ERVK3-1: variants seen among roughly 807,000 people sequenced by gnomAD.
The protein encoded by ERVK3-1 is endogenous retrovirus group K3 member 1, also known as HERV-K(HML6-1).
In ERVK3-1 at chr19:58,312,467, G is replaced by T. The variant is rs1434376499; in HGVS notation, c.294+5G>T. On this transcript the variant is annotated splice_donor_5th_base_variant and intron_variant, in intron 3 of 3. Coordinates refer to ENST00000413518, the Ensembl canonical transcript of ERVK3-1. The surrounding 1 kb of genome is among the most constrained non-coding windows in gnomAD (Gnocchi z 4.7). The stretch of plus-strand genomic sequence containing the variant: ...CTAGCTGTAGTGTCCTGTGCGGTAT[G>T]TTTCCCCTGTGTAGAGGCAAAAACA... 7.5e-6 allele frequency: 3 copies of T among 399,928 alleles called. No individual in the cohort carries two copies. The East Asian group carries it at 1.1e-4, about 14-fold the overall frequency. The allele number at this position is 399,928 out of a possible 1,614,324, so 24.8% of individuals were successfully genotyped here. A position where few individuals can be genotyped will look rare whatever the true frequency, so the allele number is the denominator to read the frequency against.
In ERVK3-1 at chr19:58,313,265, T is replaced by G. The variant is rs1225737426; in HGVS notation, c.294+803T>G. ...TTTGTAAAAAATATTACCACTCAATTTACGGTTTGTGGGTTTTTTGTTGTT... is the reference window on the plus strand; with the variant it reads ...TTTGTAAAAAATATTACCACTCAATGTACGGTTTGTGGGTTTTTTGTTGTT... On this transcript the variant is annotated intron_variant, in intron 3 of 3. Coordinates refer to ENST00000413518, the Ensembl canonical transcript of ERVK3-1. This position sits in a 1 kb window ranked among gnomAD's most constrained non-coding sequence, Gnocchi z 4.5. Among the ~76,000 whole-genome samples, 1 of 152,160 alleles carries G rather than the reference T, an allele frequency of 6.6e-6. No individual in the cohort carries two copies. Among genetic ancestry groups the G allele is most frequent in the Non-Finnish European group, 1.5e-5 (1 of 68,016 alleles).
chr19:58,305,774 C>T (rs1645680217), intron 1 of ERVK3-1, among the ~76,000 whole-genome samples: 1 of 152,200 alleles, frequency 6.6e-6, no homozygotes, highest in Non-Finnish European at 1.5e-5. Context: ...TGTTGGTAAA[C>T]TGACAAACTG....
intron 2 of ERVK3-1, chr19:58,311,841 C>T (rs113106728): frequency 0.013 from 2,421 of 184,950 alleles, 26 homozygotes; most frequent in Non-Finnish European, 0.018. Context: ...GGCAATCAAT[C>T]ATAAAACAGG....
chr19:58,305,878 A>G (rs1488625513), intron 1 of ERVK3-1, among the ~76,000 whole-genome samples: 3 of 152,194 alleles, frequency 2.0e-5, no homozygotes, highest in Non-Finnish European at 2.9e-5. Context: ...CTGCTGAACA[A>G]AGAAAGCAGT....
chr19:58,310,809 T>C lies in ERVK3-1; in HGVS notation c.-3-1357T>C. 2 of 345,008 alleles carry C rather than the reference T, an allele frequency of 5.8e-6. No individual in the cohort carries two copies. Among genetic ancestry groups the C allele is most frequent in the Non-Finnish European group, 6.0e-6 (1 of 167,996 alleles). 21.4% of individuals were successfully genotyped at this position (345,008 alleles called of 1,614,324 possible). A position where few individuals can be genotyped will look rare whatever the true frequency, so the allele number is the denominator to read the frequency against. On this transcript the variant is annotated intron_variant, in intron 2 of 3. Coordinates refer to ENST00000413518, the Ensembl canonical transcript of ERVK3-1. This position sits in a 1 kb window ranked among gnomAD's most constrained non-coding sequence, Gnocchi z 4.7. ...TGGAGGAGCAGAGTCTTCTCTAACC[T>C]CCCCCAGGGAAAGGGAGACCGCCCC...
In ERVK3-1 at chr19:58,312,579, G is replaced by C; in HGVS notation, c.294+117G>C. On this transcript the variant is annotated intron_variant, in intron 3 of 3. Coordinates refer to ENST00000413518, the Ensembl canonical transcript of ERVK3-1. The surrounding 1 kb of genome is among the most constrained non-coding windows in gnomAD (Gnocchi z 4.7). ...CTGAGATATATTATGATCAGGGAGC[G>C]TGGGCACCAGGACCCCTAACTCCGT... 1 of 398,458 alleles carries C rather than the reference G, an allele frequency of 2.5e-6. No individual in the cohort carries two copies. Among genetic ancestry groups the C allele is most frequent in the Non-Finnish European group, 4.4e-6 (1 of 225,864 alleles). The allele number at this position is 398,458 out of a possible 1,614,324, so 24.7% of individuals were successfully genotyped here.
Position 58,312,224 on chromosome 19 carries a change from G to A in ERVK3-1, c.56G>A (p.Arg19Gln), listed in dbSNP as rs899537103. Residue 19 changes from arginine (R) to glutamine (Q), a missense_variant, in exon 3 of 4, where the codon CGG becomes CAG. Arg to Gln is a conservative substitution (Grantham distance 43). Transcript: ENST00000413518. This position sits in a 1 kb window ranked among gnomAD's most constrained non-coding sequence, Gnocchi z 4.7. ...GTGTGTGACCATGGAACGGGAGACC[G>A]GAGGGATCCATGGTATTCAACCGTG... The A allele has an allele frequency of 1.0e-5, 4 of 400,048 alleles. No individual in the cohort carries two copies. Among genetic ancestry groups the A allele is most frequent in the African/African-American group, 4.1e-5 (2 of 48,608 alleles). 24.8% of individuals were successfully genotyped at this position (400,048 alleles called of 1,614,324 possible). A position where few individuals can be genotyped will look rare whatever the true frequency, so the allele number is the denominator to read the frequency against.
intron 2 of ERVK3-1, chr19:58,311,464 C>G (rs2051556215): frequency 6.6e-6 from 1 of 152,222 alleles, no homozygotes; most frequent in Admixed American, 6.5e-5. Context: ...GAACAACTTG[C>G]CCTTACTCGT....
chr19:58,308,187 C>T (rs370083734), intron 2 of ERVK3-1, among the ~76,000 whole-genome samples: 1 of 152,192 alleles, frequency 6.6e-6, no homozygotes, highest in Admixed American at 6.5e-5. Flanking sequence ...AAGAGGAAAT[C>T]AAGAATTTGG....
In ERVK3-1 at chr19:58,312,495, T is replaced by A. The variant is rs572252669; in HGVS notation, c.294+33T>A. The A allele has an allele frequency of 6.3e-5, 25 of 399,748 alleles. No individual in the cohort carries two copies. The highest frequency in any genetic ancestry group is 1.1e-4 in the Non-Finnish European group (25 of 226,062). The allele number at this position is 399,748 out of a possible 1,614,324, so 24.8% of individuals were successfully genotyped here. ...TCCCCTGTGTAGAGGCAAAAACATATTGGGCATATGTTCCTAACCCACTGG... is the reference window on the plus strand; with the variant it reads ...TCCCCTGTGTAGAGGCAAAAACATAATGGGCATATGTTCCTAACCCACTGG... On this transcript the variant is annotated intron_variant, in intron 3 of 3. Transcript: ENST00000413518. The surrounding 1 kb of genome is among the most constrained non-coding windows in gnomAD (Gnocchi z 4.7).
intron 3 of ERVK3-1, 119 bp from the exon 4 acceptor site, chr19:58,314,626 CAAA>C (rs58275693): frequency 0.16 from 8,950 of 57,254 alleles, 102 homozygotes; most frequent in South Asian, 0.29. Flanking sequence ...GACTCCATCT[CAAA>C]AAAAAAAAAA....
chr19:58,314,868 G>T, exon 4 of ERVK3-1: 1 of 399,026 alleles, frequency 2.5e-6, no homozygotes, highest in South Asian at 1.3e-4. Context: ...TGAGGGTCGT[G>T]ACCAACTCAG....
intron 1 of ERVK3-1, among the ~76,000 whole-genome samples, chr19:58,305,863 G>A (rs527997628): frequency 4.1e-4 from 62 of 152,282 alleles, no homozygotes; most frequent in African/African-American, 1.4e-3. Flanking sequence ...AGGAACATCT[G>A]GAACCTGCTG....
intron 2 of ERVK3-1, chr19:58,309,274 A>G (rs962316518): frequency 1.3e-5 from 2 of 152,236 alleles, no homozygotes; most frequent in Non-Finnish European, 2.9e-5. Flanking sequence ...ATCAAGTATT[A>G]TACCAGTTAT....
intron 2 of ERVK3-1, among the ~76,000 whole-genome samples, chr19:58,308,130 CTTA>C (rs2051536112): frequency 6.6e-6 from 1 of 152,168 alleles, no homozygotes; most frequent in Non-Finnish European, 1.5e-5. Flanking sequence ...TCAGCTATTG[CTTA>C]TTATTATTCT....
chr19:58,312,462 G>A lies in ERVK3-1; in HGVS notation c.294G>A (p.Ala98=), dbSNP rs745577026. 7 of 399,936 alleles carry A rather than the reference G, an allele frequency of 1.8e-5. No individual in the cohort carries two copies. The highest frequency in any genetic ancestry group is 1.3e-4 in the South Asian group (1 of 7,858). 24.8% of individuals were successfully genotyped at this position (399,936 alleles called of 1,614,324 possible). The stretch of plus-strand genomic sequence containing the variant: ...CCATGCTAGCTGTAGTGTCCTGTGC[G>A]GTATGTTTCCCCTGTGTAGAGGCAA... Residue 98 remains alanine, a splice_region_variant and synonymous_variant, in exon 3 of 4, where the codon GCG becomes GCA. Coordinates refer to ENST00000413518, the Ensembl canonical transcript of ERVK3-1. This position sits in a 1 kb window ranked among gnomAD's most constrained non-coding sequence, Gnocchi z 4.7.
chr19:58,307,865 C>G (rs1214782022), intron 2 of ERVK3-1, among the ~76,000 whole-genome samples: 2 of 152,166 alleles, frequency 1.3e-5, no homozygotes, highest in African/African-American at 4.8e-5. Context: ...TCTGGAACAC[C>G]GGGGAGTGCA....
chr19:58,310,900 ACG>A lies in ERVK3-1; in HGVS notation c.-3-1265_-3-1264del, dbSNP rs752604455. 12 of 393,088 alleles carry A rather than the reference ACG, an allele frequency of 3.1e-5. No individual in the cohort carries two copies. The highest frequency in any genetic ancestry group is 5.7e-5 in the Non-Finnish European group (11 of 191,768). The allele number at this position is 393,088 out of a possible 1,614,324, so 24.4% of individuals were successfully genotyped here. A position where few individuals can be genotyped will look rare whatever the true frequency, so the allele number is the denominator to read the frequency against. On this transcript the variant is annotated intron_variant, in intron 2 of 3. Transcript: ENST00000413518. The surrounding 1 kb of genome is among the most constrained non-coding windows in gnomAD (Gnocchi z 4.7). ...TGACACTTTTCGCTACCGCTAGACC[ACG>A]GTCTTCCCAAACGCTGGCGTCACCA...
exon 4 of ERVK3-1, chr19:58,314,922 T>G: frequency 5.1e-6 from 2 of 394,172 alleles, no homozygotes; most frequent in Non-Finnish European, 9.0e-6. Context: ...ACTGTTCTCA[T>G]GAAAGCAGGA....
Sources: allele counts gnomAD v4.1 joint callset (sites outside exome capture counted in the v4.1 genomes callset), GRCh38; gene constraint gnomAD v4.1.1; non-coding constraint Gnocchi (gnomAD v3.1); transcripts MANE v1.5; gene names NCBI Gene and HGNC (gene_info 2026-07-23, HGNC 2026-07-21).